The following KCNMB2 variants were observed in gnomAD, a reference collection of about 807,000 sequenced individuals.
KCNMB2 encodes potassium calcium-activated channel subfamily M regulatory beta subunit 2.
In KCNMB2, 9 loss-of-function variants were observed where a neutral mutation model predicts 24.5. That is an observed-to-expected ratio of 0.37 (90% CI 0.22 to 0.64). KCNMB2 has a LOEUF of 0.64. KCNMB2 is among the 30% of genes least tolerant of loss of function. The pLI, the probability that KCNMB2 is intolerant of heterozygous loss-of-function variation, is 0.63. For missense variants in KCNMB2, 226 were observed against 284.3 expected, an observed-to-expected ratio of 0.79 and a Z score of 1.47; for synonymous variants, 109 against 104.4, an observed-to-expected ratio of 1.04 and a Z score of -0.27.
chr3:178,655,665 G>C (rs1720308330), intron 1 of KCNMB2, among the ~76,000 whole-genome samples: 1 of 152,194 alleles, frequency 6.6e-6, no homozygotes, highest in African/African-American at 2.4e-5. Context: ...CAGTGCTGTG[G>C]TTTACTGGTC....
intron 1 of KCNMB2, among the ~76,000 whole-genome samples, chr3:178,633,520 C>A (rs149572815): frequency 6.6e-6 from 1 of 152,286 alleles, no homozygotes; most frequent in East Asian, 1.9e-4. Flanking sequence ...GTACCTTGGC[C>A]CCTTGTAGCC....
rs367833369 is a variant in KCNMB2, at chr3:178,689,991, C to A, written c.-67-117352C>A. The stretch of plus-strand genomic sequence containing the variant: ...ACATTTTATGCAAATTTAGATTGTG[C>A]AAATTTGAAATAGTGTGATATATTA... On this transcript the variant is annotated intron_variant, in intron 1 of 4. Transcript: ENST00000452583. 2.6e-4 allele frequency among the ~76,000 whole-genome samples: 39 copies of A among 151,490 alleles called. 1 individual carries two copies. The South Asian group carries it at 7.7e-3, about 30-fold the overall frequency.
At chr3:178,695,388 T>C (rs908224362) in intron 1 of KCNMB2, among the ~76,000 whole-genome samples, 1 of 152,268 alleles carries the variant, frequency 6.6e-6, no homozygotes, top group African/African-American at 2.4e-5. Flanking sequence ...GTCTGGCTCC[T>C]CGCTACTTAT....
At position 178,809,180 on chromosome 3, in the gene KCNMB2, T is replaced by C. The variant is rs539983828; in HGVS notation, c.56+1715T>C. 1.4e-4 allele frequency among the ~76,000 whole-genome samples: 22 copies of C among 152,354 alleles called. No individual in the cohort carries two copies. In the South Asian group the frequency reaches 4.6e-3, roughly 32 times the overall value. ...GTGCAGAAAGACAGAGGTTTGGTCCTGCAACTTTCATGCCAGGACCAAATC... is the reference window on the plus strand; with the variant it reads ...GTGCAGAAAGACAGAGGTTTGGTCCCGCAACTTTCATGCCAGGACCAAATC... On this transcript the variant is annotated intron_variant, in intron 2 of 4. Coordinates refer to ENST00000452583, the MANE Select transcript of KCNMB2 (RefSeq NM_181361.3).
At chr3:178,599,520 T>C (rs967478762) in intron 1 of KCNMB2, among the ~76,000 whole-genome samples, 1 of 152,170 alleles carries the variant, frequency 6.6e-6, no homozygotes, top group Non-Finnish European at 1.5e-5. Context: ...CAATTCCAGA[T>C]TTCAGGTGTT....
chr3:178,732,682 A>G (rs895138204), intron 1 of KCNMB2, among the ~76,000 whole-genome samples: 1 of 152,230 alleles, frequency 6.6e-6, no homozygotes, highest in African/African-American at 2.4e-5. Flanking sequence ...CCTGAGTGCA[A>G]TGTTAATGAA....
chr3:178,716,568 G>A (rs575090155), intron 1 of KCNMB2, among the ~76,000 whole-genome samples: 21 of 151,654 alleles, frequency 1.4e-4, no homozygotes, highest in East Asian at 1.2e-3. Context: ...CTCAGCTTCC[G>A]GAGTAGCTGG....
intron 1 of KCNMB2, among the ~76,000 whole-genome samples, chr3:178,564,277 CA>C (rs11349304): frequency 0.62 from 89,771 of 143,962 alleles, 27,819 homozygotes; most frequent in African/African-American, 0.77. Context: ...GACTCCATCT[CA>C]AAAAAAAAAA....
At chr3:178,712,959 C>T (rs1249345285) in intron 1 of KCNMB2, among the ~76,000 whole-genome samples, 2 of 152,200 alleles carry the variant, frequency 1.3e-5, no homozygotes, top group Admixed American at 6.5e-5. Flanking sequence ...ATAGCCCTAG[C>T]CCACAGGGGG....
chr3:178,623,105 A>C (rs774323187), intron 1 of KCNMB2, among the ~76,000 whole-genome samples: 1 of 152,188 alleles, frequency 6.6e-6, no homozygotes, highest in Non-Finnish European at 1.5e-5. Context: ...CCTACACACA[A>C]AAAAATGATT....
At chr3:178,798,112 T>C (rs1453410816) in intron 1 of KCNMB2, among the ~76,000 whole-genome samples, 1 of 152,180 alleles carries the variant, frequency 6.6e-6, no homozygotes, top group Non-Finnish European at 1.5e-5. Flanking sequence ...CTCTTTCTGT[T>C]TGAATACGGT....
intron 4 of KCNMB2, among the ~76,000 whole-genome samples, chr3:178,835,555 C>T (rs1035113957): frequency 2.0e-5 from 3 of 152,140 alleles, no homozygotes; most frequent in Non-Finnish European, 4.4e-5. Context: ...GAGCTATGTC[C>T]CATTCTCAAG....
At chr3:178,670,242 T>A (rs753676522) in intron 1 of KCNMB2, among the ~76,000 whole-genome samples, 7 of 152,080 alleles carry the variant, frequency 4.6e-5, no homozygotes, top group Non-Finnish European at 8.8e-5. Context: ...GACAGGACAA[T>A]TTTTTGTTGG....
At chr3:178,827,219 C>T (rs543011308) in intron 3 of KCNMB2, among the ~76,000 whole-genome samples, 2 of 152,286 alleles carry the variant, frequency 1.3e-5, no homozygotes, top group African/African-American at 4.8e-5. Context: ...AAATGTTAAT[C>T]TTGATCATAA....
chr3:178,689,125 T>C lies in KCNMB2; in HGVS notation c.-67-118218T>C, dbSNP rs533085555. Reference sequence around the variant, plus strand: ...ATCTTGAGTCTAAAGAAAATATTGTTGTTTATTATAATGCAAATTTCTATT... The same window carrying C: ...ATCTTGAGTCTAAAGAAAATATTGTCGTTTATTATAATGCAAATTTCTATT... On this transcript the variant is annotated intron_variant, in intron 1 of 4. Coordinates refer to ENST00000452583, the MANE Select transcript of KCNMB2 (RefSeq NM_181361.3). 2.6e-5 allele frequency among the ~76,000 whole-genome samples: 4 copies of C among 152,320 alleles called. No individual in the cohort carries two copies. In the South Asian group the frequency reaches 8.3e-4, roughly 32 times the overall value.
At chr3:178,651,263 C>G (rs1577072888) in intron 1 of KCNMB2, among the ~76,000 whole-genome samples, 1 of 152,136 alleles carries the variant, frequency 6.6e-6, no homozygotes, top group Non-Finnish European at 1.5e-5. Context: ...GCAAAAATCA[C>G]AAGCATTCCT....
chr3:178,787,356 C>T (rs547789902), intron 1 of KCNMB2, among the ~76,000 whole-genome samples: 26 of 152,180 alleles, frequency 1.7e-4, no homozygotes, highest in Non-Finnish European at 2.8e-4. Flanking sequence ...CATATATTCA[C>T]GTTACATATA....
intron 1 of KCNMB2, among the ~76,000 whole-genome samples, chr3:178,729,993 C>T (rs976661835): frequency 6.6e-6 from 1 of 152,184 alleles, no homozygotes; most frequent in Non-Finnish European, 1.5e-5. Flanking sequence ...GACAAAATAG[C>T]CGTAATCTCA....
At chr3:178,692,594 T>C (rs1315105105) in intron 1 of KCNMB2, among the ~76,000 whole-genome samples, 3 of 152,202 alleles carry the variant, frequency 2.0e-5, no homozygotes, top group African/African-American at 4.8e-5. Flanking sequence ...TTCTGCTCCA[T>C]TGGTCTATGT....
Sources: allele counts gnomAD v4.1 joint callset (sites outside exome capture counted in the v4.1 genomes callset), GRCh38; gene constraint gnomAD v4.1.1; transcripts MANE v1.5; gene names NCBI Gene and HGNC (gene_info 2026-07-23, HGNC 2026-07-21).